GLIPR2: variants seen among roughly 807,000 people sequenced by gnomAD.
The protein encoded by GLIPR2 is Golgi-associated plant pathogenesis-related protein 1.
GLIPR2 carries 21 observed loss-of-function variants against 20.4 expected under a neutral mutation model. The ratio of observed to expected loss-of-function variants is 1.03; its 90% CI spans 0.73 to 1.48. GLIPR2 has a LOEUF of 1.48. Ranked by LOEUF, GLIPR2 falls within the 40% of genes most tolerant of loss-of-function variation. The pLI is 0.00. For missense variants in GLIPR2, 205 were observed against 200.1 expected, an observed-to-expected ratio of 1.02 and a Z score of -0.15; for synonymous variants, 91 against 80.5, an observed-to-expected ratio of 1.13 and a Z score of -0.70.
chr9:36,159,320 G>C (rs1825960370), intron 4 of GLIPR2, among the ~76,000 whole-genome samples: 1 of 152,194 alleles, frequency 6.6e-6, no homozygotes, highest in Admixed American at 6.5e-5. Context: ...TTTGAACGAG[G>C]CTGTAATGTG....
intron 4 of GLIPR2, among the ~76,000 whole-genome samples, chr9:36,154,192 TCA>T (rs1022775906): frequency 1.3e-5 from 2 of 151,514 alleles, no homozygotes; most frequent in Non-Finnish European, 2.9e-5. Flanking sequence ...CCTTCCAGGT[TCA>T]CGCGATTCTC....
At chr9:36,151,869 G>A (rs1825602215) in intron 4 of GLIPR2, among the ~76,000 whole-genome samples, 1 of 152,136 alleles carries the variant, frequency 6.6e-6, no homozygotes, top group Admixed American at 6.5e-5. Flanking sequence ...AAGTGGGTGG[G>A]AGTTTCTCTG....
intron 1 of GLIPR2, among the ~76,000 whole-genome samples, chr9:36,143,858 T>C (rs1392953624): frequency 6.6e-6 from 1 of 152,208 alleles, no homozygotes; most frequent in Non-Finnish European, 1.5e-5. Flanking sequence ...TTTCTTAGGC[T>C]GAGCTGAAAT....
chr9:36,142,275 C>T (rs960775132), intron 1 of GLIPR2, among the ~76,000 whole-genome samples: 3 of 152,160 alleles, frequency 2.0e-5, no homozygotes, highest in African/African-American at 7.2e-5. Flanking sequence ...TCCTCAGTCA[C>T]CCGCTGCCTC....
At chr9:36,156,548 C>T (rs748037639) in intron 4 of GLIPR2, among the ~76,000 whole-genome samples, 5 of 152,186 alleles carry the variant, frequency 3.3e-5, no homozygotes, top group Admixed American at 6.5e-5. Context: ...TTTTCATCTT[C>T]ACAGATTAAA....
intron 2 of GLIPR2, among the ~76,000 whole-genome samples, chr9:36,148,229 C>A (rs1188374774): frequency 6.6e-6 from 1 of 150,462 alleles, no homozygotes; most frequent in African/African-American, 2.5e-5. Context: ...GCCTGGGTGA[C>A]AGAGTGAGAC....
At chr9:36,138,648 C>T (rs1425657047) in intron 1 of GLIPR2, among the ~76,000 whole-genome samples, 1 of 152,226 alleles carries the variant, frequency 6.6e-6, no homozygotes, top group Non-Finnish European at 1.5e-5. Context: ...TGTCTAGCAG[C>T]TCTGTATCAA....
chr9:36,162,525 T>C lies in GLIPR2; in HGVS notation c.*3T>C, dbSNP rs746348769. ...ACGTCCTGCCGCCGAAGAAGTAACT[T>C]GTTAAATGTAATGGGAAGGTGGCAG... On this transcript the variant is annotated 3_prime_UTR_variant, in exon 5 of 5. Transcript: ENST00000377960. 6.2e-7 allele frequency: 1 copy of C among 1,614,046 alleles called. No homozygotes were observed.
rs1362586556 is a variant in GLIPR2, at chr9:36,148,588, G to T, written c.164G>T (p.Ser55Ile). 6.2e-7 allele frequency: 1 copy of T among 1,614,014 alleles called. No individual in the cohort carries two copies. Among genetic ancestry groups the T allele is most frequent in the Non-Finnish European group, 8.5e-7 (1 of 1,179,974 alleles). Residue 55 changes from serine (S) to isoleucine (I), a missense_variant, in exon 3 of 5, where the codon AGC becomes ATC. By Grantham distance (142) the Ser-to-Ile change is moderately radical. Transcript: ENST00000377960. ...GCCAGCACGAGGATCCTCAAGCACA[G>T]CCCGGAGTCCAGCCGTGGCCAGTGT... ...ALASTRILKH[S>I]PESSRGQCGE... is the part of the protein sequence containing the mutation.
intron 1 of GLIPR2, among the ~76,000 whole-genome samples, chr9:36,141,171 C>T (rs924300981): frequency 1.3e-5 from 2 of 152,204 alleles, no homozygotes; most frequent in African/African-American, 4.8e-5. Context: ...ACTCTCACTG[C>T]AGCCTTGTGA....
chr9:36,159,036 G>A (rs1375368918), intron 4 of GLIPR2, among the ~76,000 whole-genome samples: 5 of 152,124 alleles, frequency 3.3e-5, no homozygotes, highest in Admixed American at 1.3e-4. Flanking sequence ...CTGCACTCCA[G>A]CCTAGACAAC....
At chr9:36,146,782 C>T (rs1825345679) in intron 1 of GLIPR2, among the ~76,000 whole-genome samples, 2 of 152,146 alleles carry the variant, frequency 1.3e-5, no homozygotes, top group Admixed American at 1.3e-4. Flanking sequence ...GGGAGTTGGA[C>T]CCCAGGGCCT....
At chr9:36,153,758 G>A (rs62543624) in intron 4 of GLIPR2, among the ~76,000 whole-genome samples, 27,704 of 151,698 alleles carry the variant, frequency 0.18, 2,676 homozygotes, top group South Asian at 0.27. Flanking sequence ...AAAATTAGCC[G>A]GGTGTGGTGA....
At chr9:36,156,408 A>C (rs899187665) in intron 4 of GLIPR2, among the ~76,000 whole-genome samples, 2 of 150,518 alleles carry the variant, frequency 1.3e-5, no homozygotes, top group Non-Finnish European at 3.0e-5. Context: ...AAAAAAAAAA[A>C]AAAAGAAATT....
intron 1 of GLIPR2, among the ~76,000 whole-genome samples, chr9:36,142,665 C>A (rs1319590426): frequency 2.0e-5 from 3 of 152,088 alleles, no homozygotes; most frequent in Admixed American, 2.0e-4. Flanking sequence ...GCTGGGAGGG[C>A]TCTCCCTGCC....
At chr9:36,153,258 C>T (rs1825681672) in intron 4 of GLIPR2, among the ~76,000 whole-genome samples, 1 of 152,208 alleles carries the variant, frequency 6.6e-6, no homozygotes, top group African/African-American at 2.4e-5. Context: ...AGCACTCCCA[C>T]TCCAAAACAG....
intron 4 of GLIPR2, among the ~76,000 whole-genome samples, chr9:36,157,006 A>C (rs1825862255): frequency 6.6e-6 from 1 of 151,626 alleles, no homozygotes; most frequent in Non-Finnish European, 1.5e-5. Flanking sequence ...TTTTTATTTT[A>C]ATTTATTTTA....
At chr9:36,139,423 C>T (rs1327928843) in intron 1 of GLIPR2, among the ~76,000 whole-genome samples, 2 of 152,062 alleles carry the variant, frequency 1.3e-5, no homozygotes, top group Admixed American at 1.3e-4. Flanking sequence ...CCGAGAGCCC[C>T]CAGAATAGTA....
intron 3 of GLIPR2, 114 bp from the exon 4 acceptor site, chr9:36,150,758 T>A: frequency 2.8e-6 from 2 of 720,906 alleles, no homozygotes; most frequent in Non-Finnish European, 4.9e-6. Context: ...ACTGGGGCTT[T>A]CTCAGATGTC....
Sources: allele counts gnomAD v4.1 joint callset (sites outside exome capture counted in the v4.1 genomes callset), GRCh38; gene constraint gnomAD v4.1.1; transcripts MANE v1.5; gene names NCBI Gene and HGNC (gene_info 2026-07-23, HGNC 2026-07-21).